The following SHISA6 variants were observed in gnomAD, a reference collection of about 807,000 sequenced individuals.
SHISA6 encodes the protein protein shisa-6.
SHISA6 carries 22 observed loss-of-function variants against 47.9 expected under a neutral mutation model. The ratio of observed to expected loss-of-function variants is 0.46; its 90% CI spans 0.33 to 0.66. The LOEUF is 0.66. Ranked by LOEUF, SHISA6 falls within the 30% of genes least tolerant of loss-of-function variation. SHISA6 has a pLI of 0.02. For synonymous variants in SHISA6, 388 were observed against 337.8 expected (o/e 1.15, Z -1.63); for missense variants, 680 against 764.6 (o/e 0.89, Z 1.30).
intron 3 of SHISA6, among the ~76,000 whole-genome samples, chr17:11,430,123 C>T (rs906140567): frequency 7.9e-5 from 12 of 152,136 alleles, no homozygotes; most frequent in Non-Finnish European, 7.3e-5. Flanking sequence ...TGTCACACAG[C>T]TAAGAAGAGT....
intron 3 of SHISA6, among the ~76,000 whole-genome samples, chr17:11,538,713 T>G (rs2071808033): frequency 2.0e-5 from 3 of 152,152 alleles, no homozygotes; most frequent in Admixed American, 2.0e-4. Flanking sequence ...TTTTAATCAG[T>G]TCCTCATGTA....
intron 2 of SHISA6, among the ~76,000 whole-genome samples, chr17:11,356,247 C>T (rs1411455380): frequency 6.6e-6 from 1 of 152,166 alleles, no homozygotes; most frequent in East Asian, 1.9e-4. Flanking sequence ...AAGCACCAGT[C>T]CAGGCAATCC....
At chr17:11,469,959 C>T (rs1009462230) in intron 3 of SHISA6, among the ~76,000 whole-genome samples, 1 of 152,130 alleles carries the variant, frequency 6.6e-6, no homozygotes, top group Non-Finnish European at 1.5e-5. Flanking sequence ...AGGCCCTAAT[C>T]CTATAGAACT....
chr17:11,526,115 C>CCCG (rs1555542453), intron 3 of SHISA6, among the ~76,000 whole-genome samples: 10 of 151,964 alleles, frequency 6.6e-5, no homozygotes, highest in Non-Finnish European at 1.5e-4. Context: ...AGGGGACCCC[C>CCCG]CCCCGCTCTC....
At chr17:11,433,852 A>G (rs1914860633) in intron 3 of SHISA6, among the ~76,000 whole-genome samples, 1 of 152,070 alleles carries the variant, frequency 6.6e-6, no homozygotes, top group Non-Finnish European at 1.5e-5. Context: ...AGAGCATCCT[A>G]GGGACTTTAC....
chr17:11,296,298 A>G (rs1909749669), intron 2 of SHISA6, among the ~76,000 whole-genome samples: 1 of 152,194 alleles, frequency 6.6e-6, no homozygotes, highest in Non-Finnish European at 1.5e-5. Context: ...AAAGGAGACT[A>G]GTTAAGATTA....
chr17:11,276,489 G>A lies in SHISA6; in HGVS notation c.799+12963G>A, dbSNP rs139001602. Among the ~76,000 whole-genome samples, 412 of 152,288 alleles carry A rather than the reference G, an allele frequency of 2.7e-3. 4 individuals carry two copies. Among genetic ancestry groups the A allele is most frequent in the Middle Eastern group, 6.8e-3 (2 of 294 alleles). ...ATGGAATATTTGCAAGAATGATACAGTGAACACCCATACCCCCTTACTAGT... is the reference window on the plus strand; with the variant it reads ...ATGGAATATTTGCAAGAATGATACAATGAACACCCATACCCCCTTACTAGT... On this transcript the variant is annotated intron_variant, in intron 2 of 5. Transcript: ENST00000441885.
chr17:11,303,499 CTG>C (rs1162456580), intron 2 of SHISA6, among the ~76,000 whole-genome samples: 1 of 151,778 alleles, frequency 6.6e-6, no homozygotes, highest in African/African-American at 2.4e-5. Flanking sequence ...TTGTGTGTGA[CTG>C]TGAGCATGGT....
intron 3 of SHISA6, among the ~76,000 whole-genome samples, chr17:11,467,130 AG>A (rs1170364506): frequency 6.6e-6 from 1 of 152,196 alleles, no homozygotes; most frequent in Non-Finnish European, 1.5e-5. Flanking sequence ...TTTATTCACA[AG>A]CTGTCCAGAG....
chr17:11,359,469 C>G (rs962920788), intron 2 of SHISA6, among the ~76,000 whole-genome samples: 4 of 152,176 alleles, frequency 2.6e-5, no homozygotes, highest in African/African-American at 9.7e-5. Flanking sequence ...CAAGCTATGT[C>G]CCTCTCTGGC....
intron 2 of SHISA6, among the ~76,000 whole-genome samples, chr17:11,347,340 G>C (rs1911734779): frequency 6.6e-6 from 1 of 152,174 alleles, no homozygotes; most frequent in Admixed American, 6.5e-5. Flanking sequence ...GAGTAGAAAA[G>C]ACCAGGGTGG....
chr17:11,249,901 A>G (rs1006429460), intron 1 of SHISA6, among the ~76,000 whole-genome samples: 11 of 152,122 alleles, frequency 7.2e-5, no homozygotes, highest in African/African-American at 2.4e-4. Flanking sequence ...GGCATTTCAG[A>G]AAGGAGTGAA....
At chr17:11,300,059 CGCTT>C (rs1393919420) in intron 2 of SHISA6, among the ~76,000 whole-genome samples, 1 of 149,478 alleles carries the variant, frequency 6.7e-6, no homozygotes, top group African/African-American at 2.5e-5. Context: ...GCAGGAGAAT[CGCTT>C]GAACCTGGGA....
chr17:11,382,075 G>T (rs975969206), intron 3 of SHISA6, among the ~76,000 whole-genome samples: 1 of 148,780 alleles, frequency 6.7e-6, no homozygotes, highest in Admixed American at 6.7e-5. Flanking sequence ...CCGTTTTTTA[G>T]AGAGAGAGAG....
intron 3 of SHISA6, among the ~76,000 whole-genome samples, chr17:11,445,985 G>A (rs1012874503): frequency 1.3e-5 from 2 of 152,056 alleles, no homozygotes; most frequent in Admixed American, 6.6e-5. Flanking sequence ...GTGCCACCAC[G>A]CCCAGCTAAT....
chr17:11,390,970 T>C (rs976554085), intron 3 of SHISA6, among the ~76,000 whole-genome samples: 1 of 152,156 alleles, frequency 6.6e-6, no homozygotes, highest in African/African-American at 2.4e-5. Context: ...CAGTGGAGGA[T>C]ATTATAAGAG....
intron 1 of SHISA6, among the ~76,000 whole-genome samples, 175 bp from the exon 2 acceptor site, chr17:11,263,191 C>A (rs1444908528): frequency 1.3e-5 from 2 of 152,046 alleles, no homozygotes; most frequent in African/African-American, 4.8e-5. Flanking sequence ...TAACCTTTAC[C>A]CTGTGTCCCC....
rs899521551 is a variant in SHISA6, at chr17:11,379,128, G to GAT, written c.800-276_800-275dup. ...TGTGTGTATATATACTAATATACTA[G>GAT]ATATATATATAAGTATATATACTAA... On this transcript the variant is annotated intron_variant, in intron 2 of 5. Coordinates refer to ENST00000441885, the MANE Select transcript of SHISA6 (RefSeq NM_207386.4). Among the ~76,000 whole-genome samples, 6 of 145,938 alleles carry GAT rather than the reference G, an allele frequency of 4.1e-5. No individual in the cohort carries two copies. In the East Asian group the frequency reaches 5.9e-4, roughly 14 times the overall value.
In SHISA6 at chr17:11,559,318, T is replaced by C. The variant is rs1107278; in HGVS notation, c.*1014T>C. On this transcript the variant is annotated 3_prime_UTR_variant, in exon 6 of 6. Coordinates refer to ENST00000441885, the MANE Select transcript of SHISA6 (RefSeq NM_207386.4). The surrounding 1 kb of genome is among the most constrained non-coding windows in gnomAD (Gnocchi z 4.4). ...CAGGGTGGGGAGGGCCACTGTGATG[T>C]GCGGGGTCTCGGGCTCAACATTCGC... The C allele has an allele frequency of 0.16, 23,645 of 152,396 alleles. 3,042 individuals carry two copies. The highest frequency in any genetic ancestry group is 0.35 in the African/African-American group (14,621 of 41,476). 9.4% of individuals were successfully genotyped at this position (152,396 alleles called of 1,614,324 possible).
Sources: gnomAD v4.1 joint callset for allele counts (sites outside exome capture counted in the v4.1 genomes callset) on GRCh38, gnomAD v4.1.1 for gene constraint, Gnocchi (gnomAD v3.1) non-coding constraint, MANE v1.5 for transcripts, NCBI Gene and HGNC (gene_info 2026-07-23, HGNC 2026-07-21) for gene names.